PCDHA3: variants seen among roughly 807,000 people sequenced by gnomAD.
PCDHA3 encodes protocadherin alpha 3, also known as protocadherin alpha-3.
A neutral mutation model predicts 62.2 loss-of-function variants in PCDHA3; 41 were observed. The ratio of observed to expected loss-of-function variants is 0.66; its 90% CI spans 0.51 to 0.86. PCDHA3 has a LOEUF of 0.86. PCDHA3 is among the 40% of genes least tolerant of loss of function. The pLI is 0.00. For missense variants in PCDHA3, 1,304 were observed against 1,241.2 expected (o/e 1.05, Z -0.76); for synonymous variants, 640 against 555.4 (o/e 1.15, Z -2.14).
At chr5:140,823,997 C>G (rs2150131247) in intron 1 of PCDHA3, 5 of 1,614,108 alleles carry the variant, frequency 3.1e-6, no homozygotes, top group Non-Finnish European at 3.4e-6. Flanking sequence ...CTGTTGTGCT[C>G]CAGCGCGGTG....
At chr5:140,858,001 G>A in intron 1 of PCDHA3, 1 of 1,597,108 alleles carries the variant, frequency 6.3e-7, no homozygotes, top group East Asian at 2.2e-5. Flanking sequence ...TGCTGGTGAA[G>A]GACCATGGCG....
intron 1 of PCDHA3, among the ~76,000 whole-genome samples, chr5:140,900,319 C>T (rs1032725241): frequency 3.3e-5 from 5 of 152,046 alleles, no homozygotes; most frequent in Non-Finnish European, 7.3e-5. Flanking sequence ...CTTTTGTCGC[C>T]CAGGCTGGAG....
chr5:140,935,710 A>C (rs551291942), intron 1 of PCDHA3, among the ~76,000 whole-genome samples: 1 of 152,272 alleles, frequency 6.6e-6, no homozygotes, highest in South Asian at 2.1e-4. Context: ...TATAAAACAA[A>C]ATATATTTAG....
chr5:140,961,887 GTTT>G (rs35680913), intron 1 of PCDHA3, among the ~76,000 whole-genome samples: 1 of 143,934 alleles, frequency 6.9e-6, no homozygotes. Context: ...ACTTACATCA[GTTT>G]TTTTTTTTTT....
At chr5:140,950,458 A>G (rs568340492) in intron 1 of PCDHA3, among the ~76,000 whole-genome samples, 5 of 152,142 alleles carry the variant, frequency 3.3e-5, no homozygotes, top group Admixed American at 2.6e-4. Flanking sequence ...CTGTCTTCTA[A>G]TGCTCATAGT....
chr5:140,944,909 C>A (rs1320536064), intron 1 of PCDHA3, among the ~76,000 whole-genome samples: 1 of 152,136 alleles, frequency 6.6e-6, no homozygotes, highest in African/African-American at 2.4e-5. Flanking sequence ...CCACAAACTT[C>A]TCTTTATATT....
chr5:140,857,575 G>A (rs781888670), intron 1 of PCDHA3: 4 of 1,596,658 alleles, frequency 2.5e-6, no homozygotes, highest in East Asian at 4.5e-5. Context: ...ACGTGTCGGT[G>A]CACGCGGAGA....
chr5:140,855,917 G>A, intron 1 of PCDHA3: 1 of 1,202,824 alleles, frequency 8.3e-7, no homozygotes, highest in South Asian at 1.6e-5. Flanking sequence ...TCAAGGACTA[G>A]GAAGTAGCGT....
chr5:140,978,911 T>C, intron 1 of PCDHA3, 38 bp from the exon 2 acceptor site: 1 of 1,613,856 alleles, frequency 6.2e-7, no homozygotes, highest in Non-Finnish European at 8.5e-7. Context: ...AACATTGTCT[T>C]GTCATTTTAA....
Position 140,858,605 on chromosome 5 carries a change from T to A in PCDHA3, c.2394+55014T>A, listed in dbSNP as rs553423419. On this transcript the variant is annotated intron_variant, in intron 1 of 3. Coordinates refer to ENST00000522353, the MANE Select transcript of PCDHA3 (RefSeq NM_018906.3). ...ATAATTTATTCCAGGAGTTTTAAAA[T>A]TTTTTTATCCTACCCAGTGTGTCAG... 1.7e-5 allele frequency: 21 copies of A among 1,265,750 alleles called. 2 individuals are homozygous for A. Among genetic ancestry groups the A allele is most frequent in the African/African-American group, 1.5e-4 (10 of 66,840 alleles). 78.4% of individuals were successfully genotyped at this position (1,265,750 alleles called of 1,614,324 possible).
chr5:140,866,915 A>T (rs1413291718), intron 1 of PCDHA3: 1 of 152,138 alleles, frequency 6.6e-6, no homozygotes, highest in African/African-American at 2.4e-5. Flanking sequence ...CTCAAAGATG[A>T]GTTCAAAGGG....
chr5:140,824,626 T>TTTTTTTTTTG (rs1768277124), intron 1 of PCDHA3: 3 of 133,454 alleles, frequency 2.2e-5, no homozygotes, highest in African/African-American at 3.2e-5. Flanking sequence ...TTTTTTTTTT[T>TTTTTTTTTTG]TTTTTTATTT....
intron 3 of PCDHA3, among the ~76,000 whole-genome samples, chr5:141,003,801 A>T (rs1554259323): frequency 1.3e-5 from 2 of 152,172 alleles, no homozygotes; most frequent in African/African-American, 4.8e-5. Context: ...ATTGGGTTGT[A>T]ATCTGTAGTC....
At chr5:140,804,286 C>T (rs1030702864) in intron 1 of PCDHA3, 3 of 152,024 alleles carry the variant, frequency 2.0e-5, no homozygotes, top group African/African-American at 7.2e-5. Context: ...CATCTTTGTT[C>T]ATCTTTAGTT....
rs943373745 is a variant in PCDHA3 at position 140,935,260 on chromosome 5, G to A, written c.2395-43689G>A. Among the ~76,000 whole-genome samples the A allele has an allele frequency of 3.3e-5, 5 of 152,168 alleles. No individual in the cohort carries two copies. In the South Asian group the frequency reaches 8.3e-4, roughly 25 times the overall value. On this transcript the variant is annotated intron_variant, in intron 1 of 3. Transcript: ENST00000522353. ...TTTTAAAAGATAAAATACATCACAT[G>A]TTTATACTAATCTAATAAAGTTCAG... is the stretch of plus-strand genomic sequence containing the variant.
chr5:140,935,435 A>G (rs1268078110), intron 1 of PCDHA3, among the ~76,000 whole-genome samples: 1 of 152,256 alleles, frequency 6.6e-6, no homozygotes, highest in Non-Finnish European at 1.5e-5. Context: ...TCAGCACTAC[A>G]GAAATAATAT....
intron 1 of PCDHA3, among the ~76,000 whole-genome samples, chr5:140,960,522 T>C (rs1261145307): frequency 6.6e-6 from 1 of 152,090 alleles, no homozygotes; most frequent in African/African-American, 2.4e-5. Flanking sequence ...ATAATGGGTA[T>C]AGGAAAGAGA....
chr5:140,976,427 T>C (rs2096715861), intron 1 of PCDHA3, among the ~76,000 whole-genome samples: 1 of 152,064 alleles, frequency 6.6e-6, no homozygotes, highest in Admixed American at 6.5e-5. Flanking sequence ...GGCAGATGCC[T>C]GTAATCCCAG....
chr5:140,876,463 G>T, intron 1 of PCDHA3: 2 of 1,614,014 alleles, frequency 1.2e-6, no homozygotes, highest in Non-Finnish European at 1.7e-6. Flanking sequence ...TCCTTCCATG[G>T]CAGGTCACAG....
Sources: gnomAD v4.1 joint callset for allele counts (sites outside exome capture counted in the v4.1 genomes callset) on GRCh38, gnomAD v4.1.1 for gene constraint, MANE v1.5 for transcripts, NCBI Gene and HGNC (gene_info 2026-07-23, HGNC 2026-07-21) for gene names.